The following VEZT variants were observed in gnomAD, a reference collection of about 807,000 sequenced individuals.
VEZT encodes the protein vezatin, adherens junctions transmembrane protein.
In VEZT, 39 loss-of-function variants were observed where a neutral mutation model predicts 79.9. That is an observed-to-expected ratio of 0.49 (90% CI 0.38 to 0.64). The LOEUF is 0.64. Among genes scored for constraint, VEZT ranks in the 30% least tolerant of loss-of-function variants. The pLI is 0.00. For missense variants in VEZT, 837 were observed against 893.1 expected (o/e 0.94, Z 0.80); for synonymous variants, 325 against 327.6 (o/e 0.99, Z 0.09).
intron 1 of VEZT, among the ~76,000 whole-genome samples, chr12:95,225,203 G>A (rs576027515): frequency 8.5e-4 from 130 of 152,258 alleles, no homozygotes; most frequent in African/African-American, 3.0e-3. Flanking sequence ...GATTATCATC[G>A]GAAGGCCTAC....
chr12:95,257,150 C>A lies in VEZT; in HGVS notation c.169C>A (p.Gln57Lys), dbSNP rs757841081. 1 of 1,607,802 alleles carries A rather than the reference C, an allele frequency of 6.2e-7. No individual in the cohort carries two copies. Among genetic ancestry groups the A allele is most frequent in the South Asian group, 1.1e-5 (1 of 89,638 alleles). The stretch of plus-strand genomic sequence containing the variant: ...ATACAATGTCATTCATTTCCTTCAG[C>A]AAGGTATCCTGTTAAAAGTGGCTGA... ...QKPPTRVLPKQGILLKVAETI... is the reference protein window; with the variant it reads ...QKPPTRVLPKKGILLKVAETI... Residue 57 changes from glutamine (Q) to lysine (K), a missense_variant and splice_region_variant, in exon 3 of 12, where the codon CAA (glutamine) becomes AAA (lysine). By Grantham distance (53) the Gln-to-Lys change is moderately conservative. Coordinates refer to ENST00000436874, the MANE Select transcript of VEZT (RefSeq NM_017599.4).
intron 6 of VEZT, 34 bp from the exon 7 acceptor site, chr12:95,274,708 A>C (rs1163672367): frequency 6.3e-7 from 1 of 1,581,302 alleles, no homozygotes; most frequent in African/African-American, 1.4e-5. Flanking sequence ...GCTTTCATGA[A>C]AAGGCTTTGT....
chr12:95,222,128 G>A (rs1196879879), intron 1 of VEZT, among the ~76,000 whole-genome samples: 1 of 152,094 alleles, frequency 6.6e-6, no homozygotes, highest in Non-Finnish European at 1.5e-5. Context: ...GCTATATGTG[G>A]CCTCTGCACT....
intron 1 of VEZT, among the ~76,000 whole-genome samples, chr12:95,229,975 G>T (rs1343684994): frequency 6.6e-6 from 1 of 151,884 alleles, no homozygotes; most frequent in Non-Finnish European, 1.5e-5. Context: ...AATTACAGCT[G>T]GTGCCTGTAA....
At chr12:95,269,448 T>C (rs2066181447) in intron 5 of VEZT, among the ~76,000 whole-genome samples, 1 of 152,088 alleles carries the variant, frequency 6.6e-6, no homozygotes, top group Non-Finnish European at 1.5e-5. Context: ...TCATTTTGAG[T>C]AGGTAAGTGC....
intron 2 of VEZT, among the ~76,000 whole-genome samples, chr12:95,252,685 C>T (rs150856556): frequency 6.2e-4 from 94 of 152,308 alleles, no homozygotes; most frequent in African/African-American, 2.2e-3. Flanking sequence ...AATTTATGGG[C>T]CAGGCGCGGT....
rs1202282634 is a variant in VEZT at position 95,274,777 on chromosome 12, A to G, written c.884A>G (p.Asn295Ser). Reference protein sequence around the residue: ...PLNSESDNVTNYICVVPFKEL... With the variant: ...PLNSESDNVTSYICVVPFKEL... The stretch of plus-strand genomic sequence containing the variant: ...AACTCTGAGAGTGACAATGTAACCA[A>G]CTACATCTGTGTGGTGCCTTTTAAA... Residue 295 changes from asparagine to serine, a missense_variant, in exon 7 of 12, where the codon AAC becomes AGC. Physicochemically the swap from Asn to Ser is conservative, Grantham distance 46. Transcript: ENST00000436874. The G allele has an allele frequency of 6.2e-7, 1 of 1,613,648 alleles. No homozygotes were observed. The highest frequency in any genetic ancestry group is 8.5e-7 in the Non-Finnish European group (1 of 1,179,768).
Position 95,287,775 on chromosome 12 carries a change from C to G in VEZT, c.1440C>G (p.Pro480=). The G allele has an allele frequency of 6.2e-7, 1 of 1,608,348 alleles. No individual in the cohort carries two copies. The highest frequency in any genetic ancestry group is 8.5e-7 in the Non-Finnish European group (1 of 1,177,184). Reference sequence around the variant, plus strand: ...AACAGAAATTAAAGTTGATTCAGCCCCACGTTCAAGCAAGCAACAATTGCT... The same window carrying G: ...AACAGAAATTAAAGTTGATTCAGCCGCACGTTCAAGCAAGCAACAATTGCT... ...ILEQKLKLIQ[P]HVQASNNCWE... is the part of the protein sequence containing the mutation. Residue 480 remains proline (P), a synonymous_variant, in exon 9 of 12, where the codon CCC becomes CCG. Transcript: ENST00000436874.
At chr12:95,258,848 T>C (rs1260388287) in intron 3 of VEZT, among the ~76,000 whole-genome samples, 1 of 152,160 alleles carries the variant, frequency 6.6e-6, no homozygotes, top group Non-Finnish European at 1.5e-5. Context: ...TACTGACAAA[T>C]GAATAAGTTC....
intron 1 of VEZT, among the ~76,000 whole-genome samples, chr12:95,221,246 T>G (rs1187718053): frequency 6.6e-6 from 1 of 152,200 alleles, no homozygotes; most frequent in Non-Finnish European, 1.5e-5. Context: ...AGAGATGCAG[T>G]TGGCCCTCCT....
At chr12:95,287,626 ATT>A (rs1436290016) in intron 8 of VEZT, 36 bp from the exon 9 acceptor site, 2 of 1,431,788 alleles carry the variant, frequency 1.4e-6, no homozygotes, top group South Asian at 3.0e-5. Flanking sequence ...TTCATTTCAT[ATT>A]ATAGAAATCT....
intron 1 of VEZT, among the ~76,000 whole-genome samples, chr12:95,226,762 G>C (rs2058550565): frequency 6.6e-6 from 1 of 152,198 alleles, no homozygotes; most frequent in South Asian, 2.1e-4. Context: ...AAGAAAGAGT[G>C]AAGTGCCCAG....
intron 8 of VEZT, among the ~76,000 whole-genome samples, chr12:95,283,781 G>C (rs1379458070): frequency 2.0e-5 from 3 of 152,196 alleles, no homozygotes; most frequent in African/African-American, 4.8e-5. Flanking sequence ...TATGAACTCA[G>C]GGTATTCCAG....
At chr12:95,258,867 A>C (rs939990623) in intron 3 of VEZT, among the ~76,000 whole-genome samples, 4 of 152,174 alleles carry the variant, frequency 2.6e-5, no homozygotes, top group African/African-American at 2.4e-5. Context: ...TCTCTTCTTC[A>C]TCCCTAAGGA....
chr12:95,255,832 C>A (rs2063385772), intron 2 of VEZT, among the ~76,000 whole-genome samples: 2 of 152,196 alleles, frequency 1.3e-5, no homozygotes, highest in African/African-American at 2.4e-5. Context: ...CGCTTCCTTG[C>A]ATAAAAATCT....
chr12:95,241,836 G>A (rs528666149), intron 1 of VEZT, among the ~76,000 whole-genome samples: 6 of 152,246 alleles, frequency 3.9e-5, no homozygotes, highest in Admixed American at 1.3e-4. Context: ...ACATTAGTTT[G>A]TGGAAAGAAA....
intron 11 of VEZT, 145 bp downstream of exon 11, chr12:95,296,403 A>G: frequency 1.7e-6 from 1 of 578,504 alleles, no homozygotes; most frequent in South Asian, 4.0e-5. Flanking sequence ...CTAGATGCTA[A>G]ATCAATTTGA....
At chr12:95,248,688 T>G (rs566116197) in intron 1 of VEZT, among the ~76,000 whole-genome samples, 9 of 151,942 alleles carry the variant, frequency 5.9e-5, no homozygotes, top group Non-Finnish European at 8.8e-5. Context: ...TGGTTTTGAC[T>G]GAGTCTTTTA....
chr12:95,276,194 C>T (rs2067670066), intron 7 of VEZT, among the ~76,000 whole-genome samples: 1 of 149,588 alleles, frequency 6.7e-6, no homozygotes, highest in Admixed American at 6.7e-5. Flanking sequence ...ATGTTCATGA[C>T]ATTAGTGTAG....
Sources: allele counts gnomAD v4.1 joint callset (sites outside exome capture counted in the v4.1 genomes callset), GRCh38; gene constraint gnomAD v4.1.1; transcripts MANE v1.5; gene names NCBI Gene and HGNC (gene_info 2026-07-23, HGNC 2026-07-21).